HERC1: variants seen among roughly 807,000 people sequenced by gnomAD.
The protein encoded by HERC1 is HECT and RLD domain containing E3 ubiquitin protein ligase family member 1.
Under a neutral mutation model 554.3 loss-of-function variants are expected in HERC1, and 160 were observed. That is an observed-to-expected ratio of 0.29 (90% CI 0.25 to 0.33). The LOEUF is 0.33. Among genes scored for constraint, HERC1 ranks in the 10% least tolerant of loss-of-function variants. The probability of loss-of-function intolerance (pLI) is 1.00; values close to 1 mark genes in which losing one functional copy is unlikely to be tolerated. For synonymous variants in HERC1, 2,175 were observed against 2,131.7 expected (o/e 1.02, Z -0.56); for missense variants, 4,919 against 5,918.5 (o/e 0.83, Z 5.54).
chr15:63,633,984 A>C lies in HERC1; in HGVS notation c.12571-14T>G. ...TCCACAGGCCACCTAAAGAAATAAC[A>C]GCATTCCGTAAGGCAAATCACAAGA... On this transcript the variant is annotated splice_polypyrimidine_tract_variant and intron_variant, in intron 66 of 77. Transcript: ENST00000443617. 1 of 1,613,588 alleles carries C rather than the reference A, an allele frequency of 6.2e-7. No individual in the cohort carries two copies. The highest frequency in any genetic ancestry group is 8.5e-7 in the Non-Finnish European group (1 of 1,179,752).
intron 1 of HERC1, among the ~76,000 whole-genome samples, chr15:63,812,388 A>T (rs2077355589): frequency 6.6e-6 from 1 of 152,252 alleles, no homozygotes; most frequent in South Asian, 2.1e-4. Context: ...TTAGCAGGGA[A>T]AATCTAAAAG....
At position 63,633,931 on chromosome 15, in the gene HERC1, C is replaced by T; in HGVS notation, c.12610G>A (p.Asp4204Asn). ...GLNHTLAVSADGSMVWAFGDG... is the reference protein window; with the variant it reads ...GLNHTLAVSANGSMVWAFGDG... Reference sequence around the variant, plus strand: ...CCAAAAGCCCACACCATGGAACCATCTGCTGACACTGCCAAAGTGTGGTTT... The same window carrying T: ...CCAAAAGCCCACACCATGGAACCATTTGCTGACACTGCCAAAGTGTGGTTT... The change falls in exon 67 of 78, where the codon GAT becomes AAT. Residue 4204 changes from aspartate (D) to asparagine (N), a missense_variant. By Grantham distance (23) the Asp-to-Asn change is conservative. Transcript: ENST00000443617. 6.2e-7 allele frequency: 1 copy of T among 1,613,918 alleles called. No individual in the cohort carries two copies. The highest frequency in any genetic ancestry group is 8.5e-7 in the Non-Finnish European group (1 of 1,179,836).
chr15:63,610,761 C>G (rs1255102467), intron 77 of HERC1, among the ~76,000 whole-genome samples: 1 of 152,204 alleles, frequency 6.6e-6, no homozygotes, highest in Non-Finnish European at 1.5e-5. Flanking sequence ...CAGGAAGGGC[C>G]TGTGTGTGAA....
chr15:63,690,653 G>A lies in HERC1; in HGVS notation c.5831-6C>T. The A allele has an allele frequency of 6.6e-7, 1 of 1,524,188 alleles. No homozygotes were observed. The highest frequency in any genetic ancestry group is 9.1e-7 in the Non-Finnish European group (1 of 1,104,226). 94.4% of individuals were successfully genotyped at this position (1,524,188 alleles called of 1,614,324 possible). A position where few individuals can be genotyped will look rare whatever the true frequency, so the allele number is the denominator to read the frequency against. On this transcript the variant is annotated splice_region_variant and splice_polypyrimidine_tract_variant and intron_variant, in intron 31 of 77. Coordinates refer to ENST00000443617, the MANE Select transcript of HERC1 (RefSeq NM_003922.4). ...GTTACCAACCAGAGGGATACCTGGAGGGGAAAAGACCTTTTCTTATTATCA... is the reference window on the plus strand; with the variant it reads ...GTTACCAACCAGAGGGATACCTGGAAGGGAAAAGACCTTTTCTTATTATCA...
At chr15:63,761,087 A>C (rs969263768) in intron 3 of HERC1, among the ~76,000 whole-genome samples, 8 of 152,228 alleles carry the variant, frequency 5.3e-5, no homozygotes, top group African/African-American at 1.9e-4. Flanking sequence ...GATTATTATC[A>C]ACACTGACAT....
chr15:63,664,963 T>A (rs548462268), intron 42 of HERC1, among the ~76,000 whole-genome samples: 2 of 152,314 alleles, frequency 1.3e-5, no homozygotes, highest in Admixed American at 6.5e-5. Context: ...TATGAAAATA[T>A]TCACTGAGCT....
rs2072571283 is a variant in HERC1 at position 63,698,891 on chromosome 15, T to C, written c.4742A>G (p.Asp1581Gly). ...GTGAACTCCCAAAGACTTGGTAAGA[T>C]CAAAATCTGACTCAAAGGAATAGGA... ...NSSYSFESDF[D>G]LTKSLGVHTL... is the part of the protein sequence containing the mutation. The change falls in exon 26 of 78, where the codon GAT becomes GGT. Residue 1581 changes from aspartate to glycine, a missense_variant. Around this residue, in one of 11 missense-constraint regions of HERC1, gnomAD observed 1,121 missense variants for 1,244.0 expected, o/e 0.90. Transcript: ENST00000443617. The C allele has an allele frequency of 6.2e-6, 10 of 1,613,908 alleles. No homozygotes were observed. The East Asian group carries it at 2.0e-4, about 32-fold the overall frequency.
intron 39 of HERC1, 98 bp from the exon 40 acceptor site, chr15:63,669,796 A>G: frequency 1.8e-6 from 2 of 1,103,494 alleles, no homozygotes; most frequent in Non-Finnish European, 2.7e-6. Context: ...CTGGAAGACT[A>G]AACAGGTTAG....
At chr15:63,824,844 G>GA (rs375372024) in intron 1 of HERC1, among the ~76,000 whole-genome samples, 4,004 of 126,266 alleles carry the variant, frequency 0.032, 76 homozygotes, top group Non-Finnish European at 0.045. Context: ...TCAGACGTAG[G>GA]AAAAAAAAAA....
rs9920746 is a variant in HERC1 at position 63,727,874 on chromosome 15, C to T, written c.3155-36G>A. 1 allele frequency: 1,540,727 copies of T among 1,547,482 alleles called. 767,197 individuals carry two copies. The highest frequency in any genetic ancestry group is 1 in the East Asian group (44,381 of 44,382). ...CAAGAAATTAAACATGGGACAATTG[C>T]TTCAAATGAACTTTAAAAAAAGGAA... On this transcript the variant is annotated intron_variant, in intron 16 of 77. Coordinates refer to ENST00000443617, the MANE Select transcript of HERC1 (RefSeq NM_003922.4). This position sits in a 1 kb window ranked among gnomAD's most constrained non-coding sequence, Gnocchi z 4.3.
At chr15:63,613,631 G>A (rs776132405) in intron 76 of HERC1, among the ~76,000 whole-genome samples, 20 of 151,502 alleles carry the variant, frequency 1.3e-4, no homozygotes, top group African/African-American at 4.4e-4. Context: ...CTATATTATC[G>A]TGTTGTACAC....
intron 38 of HERC1, among the ~76,000 whole-genome samples, 156 bp downstream of exon 38, chr15:63,674,186 G>T (rs960002981): frequency 6.9e-6 from 1 of 145,682 alleles, no homozygotes; most frequent in African/African-American, 2.5e-5. Flanking sequence ...TAATAAAAAA[G>T]AACTGTTTTC....
At position 63,694,138 on chromosome 15, in the gene HERC1, T is replaced by A; in HGVS notation, c.5500A>T (p.Ser1834Cys). 1 of 1,605,838 alleles carries A rather than the reference T, an allele frequency of 6.2e-7. No homozygotes were observed. Among genetic ancestry groups the A allele is most frequent in the South Asian group, 1.1e-5 (1 of 89,232 alleles). Residue 1834 changes from serine to cysteine, a missense_variant, in exon 30 of 78, where the codon AGT becomes TGT. By Grantham distance (112) the Ser-to-Cys change is moderately radical. Coordinates refer to ENST00000443617, the MANE Select transcript of HERC1 (RefSeq NM_003922.4). This position sits in a 1 kb window ranked among gnomAD's most constrained non-coding sequence, Gnocchi z 4.3. ...ITTGTYADKL[S>C]PKVVQSLLDL... Reference sequence around the variant, plus strand: ...AACAAGGATTGAACTACTTTGGGACTCAGTTTATCAGCATAGGTCCTATGT... The same window carrying A: ...AACAAGGATTGAACTACTTTGGGACACAGTTTATCAGCATAGGTCCTATGT...
Position 63,659,950 on chromosome 15 carries a change from A to G in HERC1, c.9224-14T>C, listed in dbSNP as rs764771605. The G allele has an allele frequency of 3.2e-5, 50 of 1,550,052 alleles. No homozygotes were observed. Among genetic ancestry groups the G allele is most frequent in the Non-Finnish European group, 4.2e-5 (47 of 1,126,850 alleles). On this transcript the variant is annotated splice_polypyrimidine_tract_variant and intron_variant, in intron 46 of 77. Coordinates refer to ENST00000443617, the MANE Select transcript of HERC1 (RefSeq NM_003922.4). ...TGTCCCAGTCTTCTGGAATTTAAATAAATAAATGTATAGTATGTGAATTTA... is the reference window on the plus strand; with the variant it reads ...TGTCCCAGTCTTCTGGAATTTAAATGAATAAATGTATAGTATGTGAATTTA...
At chr15:63,633,807 A>C in intron 67 of HERC1, 41 bp downstream of exon 67, 2 of 1,594,850 alleles carry the variant, frequency 1.3e-6, no homozygotes, top group Non-Finnish European at 1.7e-6. Flanking sequence ...GATGAAAACT[A>C]TTTATGTTGT....
chr15:63,732,255 C>T (rs1489722668), intron 14 of HERC1, among the ~76,000 whole-genome samples: 1 of 152,132 alleles, frequency 6.6e-6, no homozygotes, highest in African/African-American at 2.4e-5. Context: ...CCCAACTCGG[C>T]CTCCCAAAGT....
intron 33 of HERC1, among the ~76,000 whole-genome samples, chr15:63,687,913 A>G (rs1333748982): frequency 6.6e-6 from 1 of 152,240 alleles, no homozygotes; most frequent in Non-Finnish European, 1.5e-5. Context: ...TGTGTTCAAG[A>G]ACTACAAGAA....
chr15:63,655,068 T>G (rs1175946936), intron 50 of HERC1, among the ~76,000 whole-genome samples: 3 of 152,022 alleles, frequency 2.0e-5, no homozygotes, highest in Non-Finnish European at 2.9e-5. Context: ...CAAAAGCCAG[T>G]ATCGGCTGGG....
intron 1 of HERC1, among the ~76,000 whole-genome samples, chr15:63,823,063 T>G (rs574696006): frequency 6.6e-6 from 1 of 152,280 alleles, no homozygotes; most frequent in Admixed American, 6.5e-5. Context: ...AGTAAACTCA[T>G]GTCATGGGGG....
Sources: gnomAD v4.1 joint callset for allele counts (sites outside exome capture counted in the v4.1 genomes callset) on GRCh38, gnomAD v4.1.1 for gene constraint, gnomAD v4.1.1 regional missense constraint, Gnocchi (gnomAD v3.1) non-coding constraint, MANE v1.5 for transcripts, NCBI Gene and HGNC (gene_info 2026-07-23, HGNC 2026-07-21) for gene names.